Variants in RALGPS2 observed in about 807,000 individuals in gnomAD.
RALGPS2 encodes ras-specific guanine nucleotide-releasing factor RalGPS2.
A neutral mutation model predicts 86.8 loss-of-function variants in RALGPS2; 43 were observed. The ratio of observed to expected loss-of-function variants is 0.50; its 90% CI spans 0.39 to 0.64. The LOEUF is 0.64. Ranked by LOEUF, RALGPS2 falls within the 30% of genes least tolerant of loss-of-function variation. The probability of loss-of-function intolerance (pLI) is 0.00; values close to 1 mark genes in which losing one functional copy is unlikely to be tolerated. For synonymous variants in RALGPS2, 243 were observed against 231.3 expected, an observed-to-expected ratio of 1.05 and a Z score of -0.46; for missense variants, 536 against 694.6, an observed-to-expected ratio of 0.77 and a Z score of 2.57.
intron 16 of RALGPS2, 166 bp downstream of exon 16, chr1:178,894,190 CCCCCGGGGATGACTGAAACCTCAGATAGT>C: frequency 2.1e-6 from 1 of 484,226 alleles, no homozygotes; most frequent in East Asian, 3.3e-5. Flanking sequence ...ATTCCAAGAT[CCCCCGGGGATGACTGAAACCTCAGATAGT>C]ACCAAACCAA....
At chr1:178,756,833 AGGTTTTGGTATCAAG>A (rs1651980439) in intron 1 of RALGPS2, among the ~76,000 whole-genome samples, 1 of 152,112 alleles carries the variant, frequency 6.6e-6, no homozygotes, top group East Asian at 1.9e-4. Context: ...TGTTTTTGCC[AGGTTTTGGTATCAAG>A]GTGATGCTGG....
chr1:178,787,562 G>C (rs1376523010), intron 4 of RALGPS2, among the ~76,000 whole-genome samples: 1 of 152,112 alleles, frequency 6.6e-6, no homozygotes, highest in Non-Finnish European at 1.5e-5. Flanking sequence ...AGTAGCCATT[G>C]GTGGCTAGGA....
At chr1:178,755,719 C>T (rs1651923906) in intron 1 of RALGPS2, among the ~76,000 whole-genome samples, 1 of 152,164 alleles carries the variant, frequency 6.6e-6, no homozygotes, top group Non-Finnish European at 1.5e-5. Flanking sequence ...TAATGGGTTG[C>T]TGTGTCAAAT....
At chr1:178,734,153 G>A (rs1020001436) in intron 1 of RALGPS2, among the ~76,000 whole-genome samples, 2 of 152,202 alleles carry the variant, frequency 1.3e-5, no homozygotes, top group South Asian at 2.1e-4. Flanking sequence ...AATCAAAACC[G>A]CAGTGAGATA....
At chr1:178,852,384 T>C (rs922059820) in intron 8 of RALGPS2, among the ~76,000 whole-genome samples, 3 of 152,182 alleles carry the variant, frequency 2.0e-5, no homozygotes, top group African/African-American at 7.2e-5. Flanking sequence ...ACGTGGTAGG[T>C]GTTCAGTTAG....
intron 1 of RALGPS2, among the ~76,000 whole-genome samples, chr1:178,758,534 C>A (rs1378862982): frequency 6.7e-6 from 1 of 148,346 alleles, no homozygotes; most frequent in Non-Finnish European, 1.5e-5. Context: ...CACTTCCTAC[C>A]CCCCCTGCCC....
At chr1:178,822,885 T>A (rs182093771) in intron 7 of RALGPS2, among the ~76,000 whole-genome samples, 2 of 152,296 alleles carry the variant, frequency 1.3e-5, no homozygotes, top group African/African-American at 2.4e-5. Context: ...TGTAGCACGA[T>A]CATAGCTTAC....
intron 8 of RALGPS2, among the ~76,000 whole-genome samples, chr1:178,835,519 G>C (rs752916578): frequency 2.0e-5 from 3 of 150,940 alleles, no homozygotes; most frequent in Non-Finnish European, 4.4e-5. Flanking sequence ...CAGCCTCCCA[G>C]GTAGCTGGGA....
chr1:178,742,202 A>G lies in RALGPS2; in HGVS notation c.-84+16783A>G, dbSNP rs1027686004. Reference sequence around the variant, plus strand: ...TGGATTAAAAAAACAAGAGTTAACCATCTCCTGCCTGCAAGAAACCTACTT... The same window carrying G: ...TGGATTAAAAAAACAAGAGTTAACCGTCTCCTGCCTGCAAGAAACCTACTT... On this transcript the variant is annotated intron_variant, in intron 1 of 19. Coordinates refer to ENST00000367635, the MANE Select transcript of RALGPS2 (RefSeq NM_152663.5). Among the ~76,000 whole-genome samples the G allele has an allele frequency of 3.3e-5, 5 of 151,894 alleles. No homozygotes were observed. In the East Asian group the frequency reaches 7.7e-4, roughly 23 times the overall value.
Position 178,892,378 on chromosome 1 carries a change from G to A in RALGPS2, c.1325+71G>A, listed in dbSNP as rs554534557. On this transcript the variant is annotated intron_variant, in intron 15 of 19. Transcript: ENST00000367635. Reference sequence around the variant, plus strand: ...TTGGTGATTGGCTTACATGGGTGTGGTCTGACGTTATTTCTTTTCTTTCTC... The same window carrying A: ...TTGGTGATTGGCTTACATGGGTGTGATCTGACGTTATTTCTTTTCTTTCTC... The A allele has an allele frequency of 1.4e-4, 170 of 1,254,428 alleles. 1 individual carries two copies. The East Asian group carries it at 3.9e-3, about 29-fold the overall frequency. 77.7% of individuals were successfully genotyped at this position (1,254,428 alleles called of 1,614,324 possible).
chr1:178,763,576 A>G (rs996167869), intron 1 of RALGPS2, among the ~76,000 whole-genome samples: 1 of 152,134 alleles, frequency 6.6e-6, no homozygotes, highest in Non-Finnish European at 1.5e-5. Context: ...CTAGTTAGCT[A>G]TATTCCTAGG....
At chr1:178,910,189 A>G (rs1435866466) in intron 19 of RALGPS2, among the ~76,000 whole-genome samples, 1 of 152,070 alleles carries the variant, frequency 6.6e-6, no homozygotes, top group African/African-American at 2.4e-5. Context: ...TCTAGACATA[A>G]CATCATATAG....
rs1442467856 is a variant in RALGPS2, at chr1:178,886,029, A to G, written c.1101A>G (p.Pro367=). Reference sequence around the variant, plus strand: ...GTGCAACGTTTCCAAATGCAGGACCAAGACATCTGTTAGATGATAGCGTCA... The same window carrying G: ...GTGCAACGTTTCCAAATGCAGGACCGAGACATCTGTTAGATGATAGCGTCA... The part of the protein sequence containing the change: ...FKSATFPNAG[P]RHLLDDSVME... The change falls in exon 13 of 20, where the codon CCA becomes CCG. Residue 367 remains proline, a synonymous_variant. Coordinates refer to ENST00000367635, the MANE Select transcript of RALGPS2 (RefSeq NM_152663.5). 6.2e-7 allele frequency: 1 copy of G among 1,613,430 alleles called. No individual in the cohort carries two copies. Among genetic ancestry groups the G allele is most frequent in the Non-Finnish European group, 8.5e-7 (1 of 1,179,560 alleles).
chr1:178,843,991 A>G (rs541724001), intron 8 of RALGPS2, among the ~76,000 whole-genome samples: 89 of 152,330 alleles, frequency 5.8e-4, no homozygotes, highest in African/African-American at 2.1e-3. Flanking sequence ...CTATTAAAAC[A>G]TACATGGTTT....
intron 3 of RALGPS2, 45 bp from the exon 4 acceptor site, chr1:178,785,512 A>G (rs779952814): frequency 1.3e-6 from 2 of 1,546,246 alleles, no homozygotes; most frequent in Admixed American, 2.0e-5. Context: ...ATGTTATGGT[A>G]TAGAATTCCA....
chr1:178,746,830 A>G (rs1370647894), intron 1 of RALGPS2: 4 of 1,166,136 alleles, frequency 3.4e-6, no homozygotes, highest in Non-Finnish European at 5.2e-6. Context: ...CCTCCATTGT[A>G]TCTTGCATTT....
chr1:178,748,166 A>G (rs893392484), intron 1 of RALGPS2, among the ~76,000 whole-genome samples: 9 of 152,056 alleles, frequency 5.9e-5, no homozygotes, highest in Admixed American at 3.9e-4. Flanking sequence ...CTAAAAATAC[A>G]AAAATTAGCT....
chr1:178,852,854 C>A, intron 8 of RALGPS2: 1 of 1,613,908 alleles, frequency 6.2e-7, no homozygotes, highest in Non-Finnish European at 8.5e-7. Context: ...TCACTCCAGT[C>A]TTCTAATTCA....
At chr1:178,735,404 G>A (rs1244267099) in intron 1 of RALGPS2, among the ~76,000 whole-genome samples, 1 of 151,264 alleles carries the variant, frequency 6.6e-6, no homozygotes, top group Non-Finnish European at 1.5e-5. Flanking sequence ...TAGAGTGCTA[G>A]AAATGTCTAT....
Sources: allele counts gnomAD v4.1 joint callset (sites outside exome capture counted in the v4.1 genomes callset), GRCh38; gene constraint gnomAD v4.1.1; transcripts MANE v1.5; gene names NCBI Gene and HGNC (gene_info 2026-07-23, HGNC 2026-07-21).